The following PPP6R2 variants were observed in gnomAD, a reference collection of about 807,000 sequenced individuals.
PPP6R2 encodes serine/threonine-protein phosphatase 6 regulatory subunit 2.
A neutral mutation model predicts 100.2 loss-of-function variants in PPP6R2; 62 were observed. The observed-to-expected ratio is 0.62, with a 90% confidence interval of 0.50 to 0.76. The LOEUF (loss-of-function observed/expected upper bound fraction) is 0.76, where lower values mean the gene tolerates loss of function less well. Ranked by LOEUF, PPP6R2 falls within the 30% of genes least tolerant of loss-of-function variation. The pLI, the probability that PPP6R2 is intolerant of heterozygous loss-of-function variation, is 0.00. For synonymous variants in PPP6R2, 525 were observed against 514.7 expected (o/e 1.02, Z -0.27); for missense variants, 1,142 against 1,276.3 (o/e 0.89, Z 1.60).
At chr22:50,357,302 T>C (rs1376091440) in intron 1 of PPP6R2, among the ~76,000 whole-genome samples, 2 of 152,208 alleles carry the variant, frequency 1.3e-5, no homozygotes, top group African/African-American at 4.8e-5. Flanking sequence ...CGTATATGCA[T>C]ATACATACAT....
intron 2 of PPP6R2, among the ~76,000 whole-genome samples, chr22:50,372,495 G>A (rs1324115941): frequency 6.6e-6 from 1 of 151,966 alleles, no homozygotes; most frequent in Non-Finnish European, 1.5e-5. Flanking sequence ...GTTGCAGTGA[G>A]CCGAGATCGT....
rs1569261290 is a variant in PPP6R2 at position 50,352,747 on chromosome 22, A to AAAAC, written c.-148+9200_-148+9201insCAAA. Among the ~76,000 whole-genome samples the AAAAC allele has an allele frequency of 7.9e-5, 12 of 151,756 alleles. No individual in the cohort carries two copies. The East Asian group carries it at 1.6e-3, about 20-fold the overall frequency. On this transcript the variant is annotated intron_variant, in intron 1 of 23. Transcript: ENST00000612753. ...TCAAAACAAAAACAAAAACAAAAAA[A>AAAAC]AAAAACACACAAAACAACAACAACG... is the stretch of plus-strand genomic sequence containing the variant.
intron 1 of PPP6R2, among the ~76,000 whole-genome samples, chr22:50,360,415 T>A (rs1206308564): frequency 6.6e-6 from 1 of 150,490 alleles, no homozygotes; most frequent in Admixed American, 6.7e-5. Context: ...GTGCAAGTGG[T>A]ATGAACACAT....
At chr22:50,371,482 T>G (rs1457135860) in intron 1 of PPP6R2, among the ~76,000 whole-genome samples, 1 of 152,022 alleles carries the variant, frequency 6.6e-6, no homozygotes, top group East Asian at 1.9e-4. Flanking sequence ...GGCAGCATAG[T>G]GAGACCCCAT....
chr22:50,355,828 ATTC>A (rs1308594824), intron 1 of PPP6R2, among the ~76,000 whole-genome samples: 2 of 148,678 alleles, frequency 1.3e-5, no homozygotes. Flanking sequence ...GCACAGCCTT[ATTC>A]TTTAAAATGG....
At chr22:50,378,303 G>A (rs2052065815) in intron 2 of PPP6R2, among the ~76,000 whole-genome samples, 1 of 152,114 alleles carries the variant, frequency 6.6e-6, no homozygotes, top group Non-Finnish European at 1.5e-5. Context: ...ATTATCTGCT[G>A]TAGGCTGGGT....
At chr22:50,433,874 G>A (rs1328078103) in intron 12 of PPP6R2, among the ~76,000 whole-genome samples, 1 of 29,344 alleles carries the variant, frequency 3.4e-5, no homozygotes, top group Non-Finnish European at 6.6e-5. Flanking sequence ...GGCAGGGGCC[G>A]GGCATTTGCT....
At chr22:50,339,327 GTGGTGTGTGTGGTATGTAGTGTGTGGTA>G (rs1422052088), upstream of PPP6R2, among the ~76,000 whole-genome samples, 4 of 141,288 alleles carry the variant, frequency 2.8e-5, no homozygotes, top group African/African-American at 5.4e-5. Context: ...TGTAGTGTGT[GTGGTGTGTGTGGTATGTAGTGTGTGGTA>G]TGTGGTGTGT....
At chr22:50,416,784 C>G (rs888321470) in intron 6 of PPP6R2, among the ~76,000 whole-genome samples, 1 of 151,782 alleles carries the variant, frequency 6.6e-6, no homozygotes, top group South Asian at 2.1e-4. Context: ...GCCAACGTGG[C>G]GAAACCCTGT....
Position 50,414,341 on chromosome 22 carries a change from C to G in PPP6R2, c.415-211C>G, listed in dbSNP as rs534167290. Among the ~76,000 whole-genome samples the G allele has an allele frequency of 8.2e-3, 512 of 62,088 alleles. 38 individuals are homozygous for G. Among genetic ancestry groups the G allele is most frequent in the African/African-American group, 0.022 (468 of 20,880 alleles). 40.7% of individuals were successfully genotyped at this position (62,088 alleles called of 152,430 possible). On this transcript the variant is annotated intron_variant, in intron 4 of 23. Transcript: ENST00000612753. ...GGTCCCTGTGCAGTGGCCCCCCCCCCCCCCCCCCCGCCCAGACCCTCACAT... is the reference window on the plus strand; with the variant it reads ...GGTCCCTGTGCAGTGGCCCCCCCCCGCCCCCCCCCGCCCAGACCCTCACAT...
Position 50,377,878 on chromosome 22 carries a change from G to A in PPP6R2, c.-17+5728G>A, listed in dbSNP as rs117122251. On this transcript the variant is annotated intron_variant, in intron 2 of 23. Coordinates refer to ENST00000612753, the MANE Select transcript of PPP6R2 (RefSeq NM_001242898.2). ...AAAAAGTAGCTCAGCGTGGTGGCAC[G>A]CACCTGTAATCCCAGCTACTCACGA... Among the ~76,000 whole-genome samples the A allele has an allele frequency of 9.5e-3, 1,444 of 152,112 alleles. 8 individuals carry two copies. Among genetic ancestry groups the A allele is most frequent in the Non-Finnish European group, 0.013 (890 of 67,990 alleles).
At chr22:50,377,973 C>T (rs2148627027) in intron 2 of PPP6R2, among the ~76,000 whole-genome samples, 1 of 152,216 alleles carries the variant, frequency 6.6e-6, no homozygotes, top group East Asian at 1.9e-4. Context: ...AGCGCTCCAG[C>T]CTGGGTGACA....
intron 22 of PPP6R2, among the ~76,000 whole-genome samples, chr22:50,442,632 C>T (rs962609893): frequency 6.6e-6 from 1 of 152,142 alleles, no homozygotes. Context: ...TCCCTGCAAC[C>T]TCCGCCTCCC....
At chr22:50,360,578 G>A (rs920697619) in intron 1 of PPP6R2, among the ~76,000 whole-genome samples, 1 of 152,008 alleles carries the variant, frequency 6.6e-6, no homozygotes, top group African/African-American at 2.4e-5. Context: ...TGCTCAGGCT[G>A]GTCTTGAACT....
chr22:50,365,678 C>CAA (rs1199182923), intron 1 of PPP6R2, among the ~76,000 whole-genome samples: 50 of 78,722 alleles, frequency 6.4e-4, no homozygotes, highest in African/African-American at 1.6e-3. Flanking sequence ...GACTCTGTCT[C>CAA]AAAAAAAAAA....
At chr22:50,350,199 A>G (rs2044723810) in intron 1 of PPP6R2, among the ~76,000 whole-genome samples, 1 of 152,172 alleles carries the variant, frequency 6.6e-6, no homozygotes, top group African/African-American at 2.4e-5. Flanking sequence ...GATTGCAGCA[A>G]TTCAGTCACA....
In PPP6R2 at chr22:50,406,998, T is replaced by G. The variant is rs1001065188; in HGVS notation, c.414+123T>G. The G allele has an allele frequency of 1.6e-5, 16 of 978,596 alleles. No individual in the cohort carries two copies. In the South Asian group the frequency reaches 2.3e-4, roughly 14 times the overall value. 60.6% of individuals were successfully genotyped at this position (978,596 alleles called of 1,614,324 possible). ...GCGGGAACAGCATCTGTGACTCTTC[T>G]GCGCAACACGTGGAGCAGTGTGTGG... On this transcript the variant is annotated intron_variant, in intron 4 of 23. Transcript: ENST00000612753.
chr22:50,392,001 T>C (rs1285591519), intron 2 of PPP6R2: 2 of 151,444 alleles, frequency 1.3e-5, no homozygotes, highest in Non-Finnish European at 2.9e-5. Context: ...TTTCCCTGGA[T>C]TGTGTGTCAT....
chr22:50,437,970 G>C lies in PPP6R2; in HGVS notation c.1839+70G>C, dbSNP rs541047138. On this transcript the variant is annotated intron_variant, in intron 17 of 23. Coordinates refer to ENST00000612753, the MANE Select transcript of PPP6R2 (RefSeq NM_001242898.2). ...GCAGCTCAGGCCATGCCCATGGCTC[G>C]GTCTGTCATGGGCCTGTGCGGTGGG... The C allele has an allele frequency of 1.0e-5, 16 of 1,553,136 alleles. No individual in the cohort carries two copies. The African/African-American group carries it at 1.9e-4, about 18-fold the overall frequency.
Sources: allele counts gnomAD v4.1 joint callset (sites outside exome capture counted in the v4.1 genomes callset), GRCh38; gene constraint gnomAD v4.1.1; transcripts MANE v1.5; gene names NCBI Gene and HGNC (gene_info 2026-07-23, HGNC 2026-07-21).